The following CHODL variants were observed in gnomAD, a reference collection of about 807,000 sequenced individuals.
CHODL encodes transmembrane protein MT75.
A neutral mutation model predicts 34.5 loss-of-function variants in CHODL; 29 were observed. The observed-to-expected ratio is 0.84, with a 90% CI of 0.63 to 1.15. The LOEUF (loss-of-function observed/expected upper bound fraction) is 1.15. Among genes scored for constraint, CHODL ranks in the 50% most tolerant of loss-of-function variants. The probability of loss-of-function intolerance (pLI) is 0.00; values close to 1 mark genes in which losing one functional copy is unlikely to be tolerated. For synonymous variants in CHODL, 125 were observed against 116.1 expected (o/e 1.08, Z -0.49); for missense variants, 332 against 332.5 (o/e 1.00, Z 0.01).
Position 17,955,812 on chromosome 21 carries a change from T to C in CHODL, c.-145+38412T>C, listed in dbSNP as rs575647335. Among the ~76,000 whole-genome samples, 70 of 136,902 alleles carry C rather than the reference T, an allele frequency of 5.1e-4. 6 individuals carry two copies. The highest frequency in any genetic ancestry group is 1.7e-3 in the African/African-American group (67 of 40,044). The allele number at this position is 136,902 out of a possible 152,430, so 89.8% of individuals were successfully genotyped here. A position where few individuals can be genotyped will look rare whatever the true frequency, so the allele number is the denominator to read the frequency against. On this transcript the variant is annotated intron_variant, in intron 1 of 6. Coordinates refer to the CHODL transcript ENST00000400127. The stretch of plus-strand genomic sequence containing the variant: ...GGGGATTTGGGTTCCAGGGCTTGCA[T>C]GGTCACTTACTAATTCTGTGGTTAG...
rs954892236 is a variant in CHODL, at chr21:18,245,166, G to A, written c.-58G>A. 2.2e-6 allele frequency: 3 copies of A among 1,372,220 alleles called. No individual in the cohort carries two copies. The highest frequency in any genetic ancestry group is 2.9e-6 in the Non-Finnish European group (3 of 1,021,844). 85.0% of individuals were successfully genotyped at this position (1,372,220 alleles called of 1,614,324 possible). A position where few individuals can be genotyped will look rare whatever the true frequency, so the allele number is the denominator to read the frequency against. On this transcript the variant is annotated 5_prime_UTR_variant, in exon 1 of 6. Transcript: ENST00000299295. ...CTGCAGAGTCAGAGTCGCGGGCTGC[G>A]CCCTGGGCAGAGGCCGCCCTCGCTC...
chr21:18,138,155 T>A (rs1374854775), intron 2 of CHODL, among the ~76,000 whole-genome samples: 1 of 98,984 alleles, frequency 1.0e-5, no homozygotes, highest in Non-Finnish European at 1.8e-5. Context: ...CTGACTTATC[T>A]TTTTTTTTTT....
At chr21:18,219,043 C>T (rs2073858183) in intron 2 of CHODL, among the ~76,000 whole-genome samples, 1 of 152,146 alleles carries the variant, frequency 6.6e-6, no homozygotes, top group South Asian at 2.1e-4. Context: ...CCAACCTCTG[C>T]CTGTTACCCA....
chr21:17,945,710 C>T (rs1230964824), intron 1 of CHODL, among the ~76,000 whole-genome samples: 1 of 152,122 alleles, frequency 6.6e-6, no homozygotes, highest in Non-Finnish European at 1.5e-5. Flanking sequence ...TAAAATTTTC[C>T]TAATCTAGGA....
At chr21:18,150,324 A>G (rs1291296800) in intron 2 of CHODL, among the ~76,000 whole-genome samples, 1 of 152,160 alleles carries the variant, frequency 6.6e-6, no homozygotes, top group African/African-American at 2.4e-5. Flanking sequence ...GGAGAGGTAT[A>G]GTGAGGCATG....
intron 2 of CHODL, among the ~76,000 whole-genome samples, chr21:18,035,226 T>A (rs759071985): frequency 6.6e-5 from 10 of 152,060 alleles, no homozygotes; most frequent in Non-Finnish European, 1.3e-4. Flanking sequence ...TGCTTCATTT[T>A]GAAAGATAAT....
At chr21:18,120,599 A>G (rs944971113) in intron 2 of CHODL, among the ~76,000 whole-genome samples, 6 of 152,172 alleles carry the variant, frequency 3.9e-5, no homozygotes, top group Admixed American at 6.6e-5. Flanking sequence ...TTTATTGTTT[A>G]TATCTTTTTG....
chr21:18,184,427 A>T (rs2073416411), intron 2 of CHODL, among the ~76,000 whole-genome samples: 1 of 152,204 alleles, frequency 6.6e-6, no homozygotes, highest in South Asian at 2.1e-4. Flanking sequence ...TATATTATTA[A>T]TATCATATTT....
intron 2 of CHODL, among the ~76,000 whole-genome samples, chr21:18,214,375 T>G (rs1342924987): frequency 6.6e-6 from 1 of 152,166 alleles, no homozygotes; most frequent in East Asian, 1.9e-4. Context: ...CCTACTAGAC[T>G]GCATGCTTAG....
chr21:18,142,579 G>A (rs1316693466), intron 2 of CHODL, among the ~76,000 whole-genome samples: 2 of 152,058 alleles, frequency 1.3e-5, no homozygotes, highest in East Asian at 1.9e-4. Flanking sequence ...TGCAGATTAC[G>A]GTAGACCAGC....
At position 18,256,981 on chromosome 21, in the gene CHODL, C is replaced by A. The variant is rs754691044; in HGVS notation, c.401C>A (p.Thr134Lys). Residue 134 changes from threonine to lysine, a missense_variant, in exon 3 of 6, where the codon ACA becomes AAA. Physicochemically the swap from Thr to Lys is moderately conservative, Grantham distance 78. Coordinates refer to ENST00000299295, the MANE Select transcript of CHODL (RefSeq NM_024944.3). ...CTCTCTGTTTGCAGAAACTGGTACA[C>A]AGATGAACCTTCCTGCGGAAGTGAA... ...GSNSQYRNWY[T>K]DEPSCGSEKC... The A allele has an allele frequency of 6.2e-7, 1 of 1,612,762 alleles. No individual in the cohort carries two copies. The highest frequency in any genetic ancestry group is 1.3e-5 in the African/African-American group (1 of 75,008).
chr21:18,088,122 T>C (rs2065029108), intron 2 of CHODL, among the ~76,000 whole-genome samples: 2 of 152,144 alleles, frequency 1.3e-5, no homozygotes, highest in African/African-American at 2.4e-5. Flanking sequence ...CCAACAGTGA[T>C]GATTACAATT....
intron 2 of CHODL, among the ~76,000 whole-genome samples, chr21:18,175,804 C>T (rs75620301): frequency 0.11 from 16,373 of 152,048 alleles, 961 homozygotes; most frequent in Middle Eastern, 0.15. Flanking sequence ...TCAAACTAAC[C>T]TTGAATTTTT....
intron 2 of CHODL, among the ~76,000 whole-genome samples, chr21:18,126,138 C>T (rs867585300): frequency 1.3e-5 from 2 of 152,154 alleles, no homozygotes; most frequent in African/African-American, 4.8e-5. Flanking sequence ...CAAGACATAG[C>T]AGGATTCTAT....
intron 1 of CHODL, among the ~76,000 whole-genome samples, chr21:17,954,223 TA>T (rs927950785): frequency 6.6e-6 from 1 of 152,108 alleles, no homozygotes; most frequent in African/African-American, 2.4e-5. Flanking sequence ...TGGGAAGGCA[TA>T]AAAGTCTTAA....
intron 2 of CHODL, among the ~76,000 whole-genome samples, chr21:18,182,385 T>G (rs868536036): frequency 6.6e-6 from 1 of 152,188 alleles, no homozygotes; most frequent in African/African-American, 2.4e-5. Flanking sequence ...GCATAAAAAG[T>G]CTTCAAGAAA....
chr21:18,212,218 A>G (rs1016532925), intron 2 of CHODL, among the ~76,000 whole-genome samples: 1 of 152,174 alleles, frequency 6.6e-6, no homozygotes, highest in Non-Finnish European at 1.5e-5. Flanking sequence ...AACGAATAGC[A>G]TGACTTTTCC....
Position 18,256,819 on chromosome 21 carries a change from G to A in CHODL, c.389+1G>A. On this transcript the variant is annotated splice_donor_variant, in intron 2 of 5. Transcript: ENST00000299295. LOFTEE classifies it high-confidence loss of function. Reference sequence around the variant, plus strand: ...CTGATGGAAGCAATTCCCAGTACCGGTGAGTATGGATCTTGAGCAGTTGGC... The same window carrying A: ...CTGATGGAAGCAATTCCCAGTACCGATGAGTATGGATCTTGAGCAGTTGGC... 13 of 1,611,646 alleles carry A rather than the reference G, an allele frequency of 8.1e-6. No homozygotes were observed. Among genetic ancestry groups the A allele is most frequent in the Non-Finnish European group, 1.1e-5 (13 of 1,178,618 alleles).
chr21:18,138,948 A>C (rs1234607263), intron 2 of CHODL, among the ~76,000 whole-genome samples: 2 of 152,130 alleles, frequency 1.3e-5, no homozygotes, highest in Non-Finnish European at 2.9e-5. Context: ...GATGAACTCA[A>C]GTGCAGTTGC....
Sources: allele counts gnomAD v4.1 joint callset (sites outside exome capture counted in the v4.1 genomes callset), GRCh38; gene constraint gnomAD v4.1.1; transcripts MANE v1.5; gene names NCBI Gene and HGNC (gene_info 2026-07-23, HGNC 2026-07-21).